OPN4: variants seen among roughly 807,000 people sequenced by gnomAD.
OPN4 encodes melanopsin.
In OPN4, 43 loss-of-function variants were observed where a neutral mutation model predicts 49.5. The observed-to-expected ratio is 0.87, with a 90% CI of 0.68 to 1.12. The LOEUF (loss-of-function observed/expected upper bound fraction) is 1.12. OPN4 is among the 50% of genes most tolerant of loss of function. OPN4 has a pLI of 0.00. For missense variants in OPN4, 657 were observed against 643.9 expected (o/e 1.02, Z -0.22); for synonymous variants, 263 against 258.0 (o/e 1.02, Z -0.19).
At chr10:86,656,419 A>G (rs1452350920) in intron 2 of OPN4, 119 bp downstream of exon 2, 3 of 1,294,850 alleles carry the variant, frequency 2.3e-6, no homozygotes, top group South Asian at 2.9e-5. Flanking sequence ...GAGGCTAGGC[A>G]AGGAGGGCAG....
At chr10:86,663,943 A>T (rs1441256164) in intron 9 of OPN4, 141 bp downstream of exon 9, 2 of 1,035,108 alleles carry the variant, frequency 1.9e-6, no homozygotes, top group Admixed American at 6.0e-5. Context: ...AGCACCTCCC[A>T]GCTTTTCCTT....
intron 2 of OPN4, 131 bp downstream of exon 2, chr10:86,656,431 G>T: frequency 8.5e-7 from 1 of 1,180,062 alleles, no homozygotes. Flanking sequence ...GGAGGGCAGG[G>T]CCATGCCTTC....
intron 2 of OPN4, among the ~76,000 whole-genome samples, chr10:86,657,600 G>A (rs770567022): frequency 1.6e-4 from 24 of 152,144 alleles, no homozygotes; most frequent in Non-Finnish European, 3.1e-4. Flanking sequence ...AGGAACCTAG[G>A]GAGAAACCTC....
Position 86,663,807 on chromosome 10 carries a change from C to T in OPN4, c.1398+5C>T. ...GAAGCAGAGACTCCAGGGAAGGTGACTGGGCCCGGTACCTGCCAATCCACA... is the reference window on the plus strand; with the variant it reads ...GAAGCAGAGACTCCAGGGAAGGTGATTGGGCCCGGTACCTGCCAATCCACA... On this transcript the variant is annotated splice_donor_5th_base_variant and intron_variant, in intron 9 of 9. Transcript: ENST00000241891. The T allele has an allele frequency of 7.7e-6, 12 of 1,550,842 alleles. No individual in the cohort carries two copies. Among genetic ancestry groups the T allele is most frequent in the Non-Finnish European group, 1.0e-5 (12 of 1,147,172 alleles).
At chr10:86,663,869 G>A (rs1181393793) in intron 9 of OPN4, 67 bp downstream of exon 9, 3 of 1,518,280 alleles carry the variant, frequency 2.0e-6, no homozygotes, top group Non-Finnish European at 1.8e-6. Flanking sequence ...CCCAGGGAGA[G>A]GCCAGGAAAG....
At chr10:86,658,288 C>T (rs992035720) in intron 3 of OPN4, 123 bp downstream of exon 3, 6 of 1,375,078 alleles carry the variant, frequency 4.4e-6, no homozygotes, top group Non-Finnish European at 6.0e-6. Context: ...GGTAGCTGCC[C>T]TCAGTCCTGT....
chr10:86,655,181 T>C (rs1310418214), intron 1 of OPN4, among the ~76,000 whole-genome samples: 1 of 152,216 alleles, frequency 6.6e-6, no homozygotes, highest in African/African-American at 2.4e-5. Flanking sequence ...GGGGCTGGAA[T>C]GGCCAGACCT....
intron 5 of OPN4, 43 bp downstream of exon 5, chr10:86,659,511 C>T (rs1418972931): frequency 6.3e-7 from 1 of 1,596,974 alleles, no homozygotes; most frequent in South Asian, 1.1e-5. Context: ...GGGGGACCGG[C>T]CCCTCGGCCA....
Position 86,659,881 on chromosome 10 carries a change from T to A in OPN4, c.801-14T>A. ...CCCGACTAGGGTCAGACCTGGACGATGCGTCCTTCCTAGGGCTCTCCAGAC... is the reference window on the plus strand; with the variant it reads ...CCCGACTAGGGTCAGACCTGGACGAAGCGTCCTTCCTAGGGCTCTCCAGAC... On this transcript the variant is annotated splice_polypyrimidine_tract_variant and intron_variant, in intron 5 of 9. Coordinates refer to ENST00000241891, the MANE Select transcript of OPN4 (RefSeq NM_033282.4). 1 of 1,613,808 alleles carries A rather than the reference T, an allele frequency of 6.2e-7. No homozygotes were observed. The highest frequency in any genetic ancestry group is 2.2e-5 in the East Asian group (1 of 44,872).
intron 6 of OPN4, 32 bp downstream of exon 6, chr10:86,660,091 C>T (rs1843968559): frequency 1.2e-6 from 2 of 1,610,660 alleles, no homozygotes; most frequent in Non-Finnish European, 1.7e-6. Flanking sequence ...GGGGAAGAGG[C>T]TGAAGGTGTG....
intron 1 of OPN4, among the ~76,000 whole-genome samples, chr10:86,655,655 T>C (rs1229297143): frequency 2.0e-5 from 3 of 152,204 alleles, no homozygotes; most frequent in Non-Finnish European, 4.4e-5. Flanking sequence ...TGTACCCAGC[T>C]ATGCTATTGG....
chr10:86,659,997 C>A lies in OPN4; in HGVS notation c.903C>A (p.Val301=). The stretch of plus-strand genomic sequence containing the variant: ...AGATGGCCAAGATCATGCTGCTGGT[C>A]ATCCTCCTCTTCGTGCTCTCCTGGG... ...ECKMAKIMLL[V]ILLFVLSWAP... is the part of the protein sequence containing the mutation. The change falls in exon 6 of 10, where the codon GTC becomes GTA. Residue 301 remains valine, a synonymous_variant. Coordinates refer to ENST00000241891, the MANE Select transcript of OPN4 (RefSeq NM_033282.4). 1 of 1,614,202 alleles carries A rather than the reference C, an allele frequency of 6.2e-7. No individual in the cohort carries two copies. Among genetic ancestry groups the A allele is most frequent in the South Asian group, 1.1e-5 (1 of 91,078 alleles).
chr10:86,657,274 G>A, intron 2 of OPN4: 1 of 778,102 alleles, frequency 1.3e-6, no homozygotes, highest in Non-Finnish European at 2.4e-6. Context: ...CACTTACTGA[G>A]TGCTGTGCAC....
Position 86,662,358 on chromosome 10 carries a change from A to AC in OPN4, c.1182dup (p.Ser395GlnfsTer23), listed in dbSNP as rs1454630962. The AC allele has an allele frequency of 1.3e-6, 2 of 1,588,832 alleles. No homozygotes were observed. The highest frequency in any genetic ancestry group is 2.7e-5 in the African/African-American group (2 of 74,404). ...CCGCTCCACCCACCGCTCCACGCTG[A>AC]CCAGCCACACCTCCAACCTCAGCTG... On this transcript the variant is annotated frameshift_variant, in exon 8 of 10. Transcript: ENST00000241891. LOFTEE classifies it high-confidence loss of function.
intron 8 of OPN4, 45 bp downstream of exon 8, chr10:86,662,477 C>T (rs752653719): frequency 4.6e-5 from 70 of 1,518,214 alleles, no homozygotes; most frequent in Non-Finnish European, 5.9e-5. Flanking sequence ...GCCATCCCTT[C>T]CTCAGGCAGC....
In OPN4 at chr10:86,666,145, C is replaced by T; in HGVS notation, c.*394C>T. 1 of 229,156 alleles carries T rather than the reference C, an allele frequency of 4.4e-6. No individual in the cohort carries two copies. Among genetic ancestry groups the T allele is most frequent in the Non-Finnish European group, 8.6e-6 (1 of 116,708 alleles). 14.2% of individuals were successfully genotyped at this position (229,156 alleles called of 1,614,324 possible). On this transcript the variant is annotated 3_prime_UTR_variant, in exon 10 of 10. Coordinates refer to ENST00000241891, the MANE Select transcript of OPN4 (RefSeq NM_033282.4). ...GCCCCCAGGCTGGGCCTGTCACTGG[C>T]ATAGGAAGGCCAGCCCCGCATCTCC...
In OPN4 at chr10:86,665,801, G is replaced by A. The variant is rs764327048; in HGVS notation, c.*50G>A. The A allele has an allele frequency of 1.5e-5, 22 of 1,423,454 alleles. No individual in the cohort carries two copies. Among genetic ancestry groups the A allele is most frequent in the Admixed American group, 8.5e-5 (5 of 59,102 alleles). 88.2% of individuals were successfully genotyped at this position (1,423,454 alleles called of 1,614,324 possible). On this transcript the variant is annotated 3_prime_UTR_variant, in exon 10 of 10. Transcript: ENST00000241891. ...TCTGAGACACATCCAGCCCCCCCACGTCTCCCTCATATACACAGACCCAGG... is the reference window on the plus strand; with the variant it reads ...TCTGAGACACATCCAGCCCCCCCACATCTCCCTCATATACACAGACCCAGG...
chr10:86,659,192 C>A, intron 4 of OPN4, 105 bp from the exon 5 acceptor site: 1 of 879,454 alleles, frequency 1.1e-6, no homozygotes, highest in Non-Finnish European at 1.8e-6. Flanking sequence ...CAGGTCAGGG[C>A]CAGGGCTGTG....
At chr10:86,662,461 C>A (rs201798471) in intron 8 of OPN4, 29 bp downstream of exon 8, 6 of 1,534,010 alleles carry the variant, frequency 3.9e-6, no homozygotes, top group Non-Finnish European at 5.3e-6. Flanking sequence ...CACCAGCTTG[C>A]GCCTGGCCAT....
Sources: allele counts gnomAD v4.1 joint callset (sites outside exome capture counted in the v4.1 genomes callset), GRCh38; gene constraint gnomAD v4.1.1; transcripts MANE v1.5; gene names NCBI Gene and HGNC (gene_info 2026-07-23, HGNC 2026-07-21).